The following CTNNA3 variants were observed in gnomAD, a reference collection of about 807,000 sequenced individuals.
CTNNA3 encodes catenin alpha 3.
CTNNA3 carries 76 observed loss-of-function variants against 95.7 expected under a neutral mutation model. The observed-to-expected ratio is 0.79, with a 90% confidence interval of 0.66 to 0.96. The LOEUF (loss-of-function observed/expected upper bound fraction) is 0.96, where lower values mean the gene tolerates loss of function less well. Ranked by LOEUF, CTNNA3 falls within the 40% of genes least tolerant of loss-of-function variation. The probability of loss-of-function intolerance (pLI) is 0.00; values close to 1 mark genes in which losing one functional copy is unlikely to be tolerated. For missense variants in CTNNA3, 1,191 were observed against 1,089.8 expected (o/e 1.09, Z -1.31); for synonymous variants, 431 against 374.4 (o/e 1.15, Z -1.74).
intron 9 of CTNNA3, among the ~76,000 whole-genome samples, chr10:66,727,061 A>G (rs1589175819): frequency 6.6e-6 from 1 of 152,262 alleles, no homozygotes; most frequent in African/African-American, 2.4e-5. Flanking sequence ...AACTAATTCT[A>G]ACAGTCATAT....
At chr10:66,788,312 T>C (rs1840826627) in intron 7 of CTNNA3, among the ~76,000 whole-genome samples, 1 of 151,910 alleles carries the variant, frequency 6.6e-6, no homozygotes, top group Non-Finnish European at 1.5e-5. Context: ...CTGAGCAGGG[T>C]GATTTGGACA....
chr10:67,059,625 G>A (rs1205171516), intron 7 of CTNNA3, among the ~76,000 whole-genome samples: 1 of 152,120 alleles, frequency 6.6e-6, no homozygotes, highest in Non-Finnish European at 1.5e-5. Flanking sequence ...GTCATAGTCA[G>A]TTTGTTCTGA....
At chr10:66,085,982 C>T (rs184755292) in intron 14 of CTNNA3, among the ~76,000 whole-genome samples, 1 of 152,258 alleles carries the variant, frequency 6.6e-6, no homozygotes, top group Admixed American at 6.5e-5. Context: ...ATCAGTAGCA[C>T]TAACAATACA....
intron 10 of CTNNA3, among the ~76,000 whole-genome samples, chr10:66,538,191 C>T (rs1841725732): frequency 6.6e-6 from 1 of 151,972 alleles, no homozygotes. Context: ...TTTCCTTTTT[C>T]CCTCCCTCTT....
chr10:66,528,553 A>T (rs61036897), intron 10 of CTNNA3, among the ~76,000 whole-genome samples: 1 of 152,112 alleles, frequency 6.6e-6, no homozygotes, highest in African/African-American at 2.4e-5. Context: ...TCACATTGTC[A>T]TTTATTCTAG....
chr10:67,734,017 C>T (rs1336999616), intron 1 of CTNNA3, among the ~76,000 whole-genome samples: 1 of 152,086 alleles, frequency 6.6e-6, no homozygotes, highest in African/African-American at 2.4e-5. Flanking sequence ...TCATAACAAC[C>T]ACGCTGGATT....
In CTNNA3 at chr10:65,931,935, A is replaced by C. The variant is rs140864186; in HGVS notation, c.2401-11318T>G. Among the ~76,000 whole-genome samples the C allele has an allele frequency of 2.4e-4, 36 of 152,336 alleles. No homozygotes were observed. The East Asian group carries it at 6.8e-3, about 29-fold the overall frequency. ...ATCTAAACTAATCCCCAGGCATTGG[A>C]ATTCAGCAACCAGGAGAAGCAAGAA... On this transcript the variant is annotated intron_variant, in intron 17 of 17. Coordinates refer to ENST00000433211, the MANE Select transcript of CTNNA3 (RefSeq NM_013266.4).
chr10:67,686,895 C>G (rs1045988490), intron 1 of CTNNA3, among the ~76,000 whole-genome samples: 4 of 152,124 alleles, frequency 2.6e-5, no homozygotes, highest in Non-Finnish European at 5.9e-5. Flanking sequence ...TTGATTCCCT[C>G]CTCAAGCAGG....
At chr10:66,581,278 G>A (rs866863032) in intron 10 of CTNNA3, among the ~76,000 whole-genome samples, 1 of 151,658 alleles carries the variant, frequency 6.6e-6, no homozygotes, top group Non-Finnish European at 1.5e-5. Flanking sequence ...GAGATTCCTG[G>A]ATCAAATGGT....
intron 13 of CTNNA3, among the ~76,000 whole-genome samples, chr10:66,240,799 G>A (rs1486134311): frequency 2.0e-5 from 3 of 151,966 alleles, no homozygotes; most frequent in African/African-American, 7.2e-5. Context: ...ATTGAATGAT[G>A]TAAACAAAGA....
chr10:66,167,947 A>T (rs2085221128), intron 13 of CTNNA3, among the ~76,000 whole-genome samples: 1 of 152,184 alleles, frequency 6.6e-6, no homozygotes, highest in African/African-American at 2.4e-5. Context: ...CCCATGGGAA[A>T]TGTAGACATA....
chr10:66,479,670 T>C (rs571435200), intron 11 of CTNNA3, among the ~76,000 whole-genome samples: 2 of 152,152 alleles, frequency 1.3e-5, no homozygotes, highest in East Asian at 3.9e-4. Context: ...TCAACACATA[T>C]GTTGATCTCA....
intron 7 of CTNNA3, among the ~76,000 whole-genome samples, chr10:66,947,376 T>C (rs1174279888): frequency 6.6e-6 from 1 of 152,182 alleles, no homozygotes; most frequent in African/African-American, 2.4e-5. Flanking sequence ...TAGAACATTA[T>C]TGAAATTACC....
At chr10:67,492,034 G>T (rs1020603172) in intron 5 of CTNNA3, among the ~76,000 whole-genome samples, 2 of 152,012 alleles carry the variant, frequency 1.3e-5, no homozygotes, top group African/African-American at 4.8e-5. Context: ...TAGAAATAAA[G>T]ATATGGGAAT....
rs370358378 is a variant in CTNNA3 at position 67,121,981 on chromosome 10, C to CAAAA, written c.1047+58332_1047+58335dup. On this transcript the variant is annotated intron_variant, in intron 7 of 17. Transcript: ENST00000433211. Reference sequence around the variant, plus strand: ...CGCTCTTAGCCAACATTATTCTGAGCAAAAAAAAAAAAAAAAAAAAAAAAA... The same window carrying CAAAA: ...CGCTCTTAGCCAACATTATTCTGAGCAAAAAAAAAAAAAAAAAAAAAAAAAAAAA... 3.6e-4 allele frequency among the ~76,000 whole-genome samples: 17 copies of CAAAA among 47,132 alleles called. 1 individual carries two copies. The highest frequency in any genetic ancestry group is 1.4e-3 in the Admixed American group (5 of 3,640). 30.9% of individuals were successfully genotyped at this position (47,132 alleles called of 152,430 possible). A position where few individuals can be genotyped will look rare whatever the true frequency, so the allele number is the denominator to read the frequency against.
intron 12 of CTNNA3, among the ~76,000 whole-genome samples, chr10:66,328,955 ATT>A (rs34977992): frequency 1.3e-4 from 11 of 81,652 alleles, no homozygotes; most frequent in African/African-American, 3.5e-4. Context: ...TATAAATATA[ATT>A]TTTTTTTTTT....
intron 13 of CTNNA3, among the ~76,000 whole-genome samples, chr10:66,227,091 C>A (rs1351001600): frequency 6.6e-6 from 1 of 152,078 alleles, no homozygotes; most frequent in Non-Finnish European, 1.5e-5. Flanking sequence ...TTTCAAACTC[C>A]TGAGCTCAAG....
intron 9 of CTNNA3, among the ~76,000 whole-genome samples, chr10:66,622,234 C>T (rs1397694293): frequency 1.3e-5 from 2 of 152,088 alleles, no homozygotes; most frequent in Admixed American, 1.3e-4. Context: ...TATCTTTATA[C>T]ATTTTGTTTG....
chr10:65,980,549 C>G lies in CTNNA3; in HGVS notation c.2265+8143G>C, dbSNP rs531225698. Among the ~76,000 whole-genome samples the G allele has an allele frequency of 2.0e-5, 3 of 148,764 alleles. No homozygotes were observed. In the East Asian group the frequency reaches 5.9e-4, roughly 29 times the overall value. ...AACAAAAAAAAAAAAGAAAAGAAAA[C>G]TATAGACAAATATCCCTAATGAAAA... On this transcript the variant is annotated intron_variant, in intron 16 of 17. Transcript: ENST00000433211.
Sources: gnomAD v4.1 joint callset for allele counts (sites outside exome capture counted in the v4.1 genomes callset) on GRCh38, gnomAD v4.1.1 for gene constraint, MANE v1.5 for transcripts, NCBI Gene and HGNC (gene_info 2026-07-23, HGNC 2026-07-21) for gene names.